ATXN1: variants seen among roughly 807,000 people sequenced by gnomAD.
ATXN1 encodes ataxin 1.
A neutral mutation model predicts 56.4 loss-of-function variants in ATXN1; 8 were observed. That is an observed-to-expected ratio of 0.14 (90% CI 0.08 to 0.26). The LOEUF is 0.26. ATXN1 is among the 10% of genes least tolerant of loss of function. The pLI is 1.00. For missense variants in ATXN1, 987 were observed against 1,106.5 expected (o/e 0.89, Z 1.53); for synonymous variants, 514 against 494.6 (o/e 1.04, Z -0.52).
intron 3 of ATXN1, among the ~76,000 whole-genome samples, chr6:16,635,458 T>A (rs1455736686): frequency 6.6e-6 from 1 of 152,142 alleles, no homozygotes; most frequent in African/African-American, 2.4e-5. Context: ...CCAAAAAGGT[T>A]AGGGACCACT....
At chr6:16,554,970 C>T (rs1000469706) in intron 4 of ATXN1, among the ~76,000 whole-genome samples, 2 of 152,182 alleles carry the variant, frequency 1.3e-5, no homozygotes, top group Admixed American at 1.3e-4. Flanking sequence ...CAATCCCACG[C>T]TGGCTCATCT....
intron 3 of ATXN1, among the ~76,000 whole-genome samples, chr6:16,612,473 A>T (rs1211996936): frequency 6.6e-6 from 1 of 152,254 alleles, no homozygotes; most frequent in East Asian, 1.9e-4. Flanking sequence ...ATGGAATCAC[A>T]GACTGAGACA....
chr6:16,635,161 T>C (rs879398174), intron 3 of ATXN1, among the ~76,000 whole-genome samples: 1 of 152,176 alleles, frequency 6.6e-6, no homozygotes, highest in Non-Finnish European at 1.5e-5. Context: ...GAACTGCACA[T>C]GTGAGGGATG....
At chr6:16,695,991 G>GAATA (rs1205319667) in intron 2 of ATXN1, among the ~76,000 whole-genome samples, 1 of 151,448 alleles carries the variant, frequency 6.6e-6, no homozygotes, top group Non-Finnish European at 1.5e-5. Flanking sequence ...ATAAATAAAT[G>GAATA]AATAAATAAA....
At chr6:16,673,958 A>G (rs1490783997) in intron 2 of ATXN1, among the ~76,000 whole-genome samples, 1 of 152,202 alleles carries the variant, frequency 6.6e-6, no homozygotes, top group Non-Finnish European at 1.5e-5. Flanking sequence ...TCCCCAGTTG[A>G]GATCCACTGG....
Position 16,712,849 on chromosome 6 carries a change from T to C in ATXN1, c.-615+40384A>G, listed in dbSNP as rs1440175140. ...CTGCCATTCGCCATTTATAGATTTA[T>C]ATGTACCTGCTAGGATAATGAGATT... On this transcript the variant is annotated intron_variant, in intron 2 of 7. Transcript: ENST00000436367. 2.6e-5 allele frequency among the ~76,000 whole-genome samples: 4 copies of C among 152,174 alleles called. No individual in the cohort carries two copies. In the East Asian group the frequency reaches 7.7e-4, roughly 29 times the overall value.
chr6:16,699,829 G>A (rs73725220), intron 2 of ATXN1, among the ~76,000 whole-genome samples: 7,129 of 152,156 alleles, frequency 0.047, 389 homozygotes, highest in African/African-American at 0.13. Context: ...TGATAATCGT[G>A]GGCCATTCTT....
intron 6 of ATXN1, among the ~76,000 whole-genome samples, chr6:16,362,501 A>G (rs909932022): frequency 1.3e-5 from 2 of 151,510 alleles, no homozygotes; most frequent in African/African-American, 4.9e-5. Context: ...CACCATCATC[A>G]CTTCGCTCCC....
intron 2 of ATXN1, among the ~76,000 whole-genome samples, chr6:16,677,895 G>A (rs1206468047): frequency 1.3e-5 from 2 of 152,072 alleles, no homozygotes; most frequent in African/African-American, 4.8e-5. Flanking sequence ...AATTGTTTAT[G>A]CAACTTAAAA....
At chr6:16,588,229 C>T (rs532155731) in intron 3 of ATXN1, among the ~76,000 whole-genome samples, 11 of 152,154 alleles carry the variant, frequency 7.2e-5, no homozygotes, top group African/African-American at 1.4e-4. Flanking sequence ...CCCCCTAACA[C>T]GTCTCCCCGC....
chr6:16,314,678 C>G (rs1399046686), intron 7 of ATXN1, among the ~76,000 whole-genome samples: 5 of 151,820 alleles, frequency 3.3e-5, no homozygotes, highest in Non-Finnish European at 7.4e-5. Context: ...TGTAGTGGCA[C>G]TATCTCGGCT....
chr6:16,530,079 A>G (rs1283264767), intron 4 of ATXN1, among the ~76,000 whole-genome samples: 1 of 152,218 alleles, frequency 6.6e-6, no homozygotes, highest in Non-Finnish European at 1.5e-5. Flanking sequence ...AATCTATACC[A>G]TGAAATTTGG....
intron 2 of ATXN1, among the ~76,000 whole-genome samples, chr6:16,719,127 G>C (rs17670444): frequency 6.6e-6 from 1 of 152,062 alleles, no homozygotes; most frequent in Non-Finnish European, 1.5e-5. Flanking sequence ...ACGCAATTAA[G>C]AGAAATCTGG....
intron 5 of ATXN1, among the ~76,000 whole-genome samples, chr6:16,518,476 A>G (rs2113692092): frequency 6.6e-6 from 1 of 152,304 alleles, no homozygotes; most frequent in East Asian, 1.9e-4. Context: ...GCCTGCGACC[A>G]GGCTAGACTG....
At chr6:16,417,160 T>C (rs766862739) in intron 6 of ATXN1, among the ~76,000 whole-genome samples, 10 of 152,310 alleles carry the variant, frequency 6.6e-5, no homozygotes, top group Non-Finnish European at 1.2e-4. Context: ...GCTTCCCCAG[T>C]ACCTGGGACT....
chr6:16,666,517 T>C (rs116128992), intron 2 of ATXN1: 1,934 of 154,880 alleles, frequency 0.012, 44 homozygotes, highest in African/African-American at 0.044. Context: ...CTTTTCTTTC[T>C]TTCTTTTTTT....
rs1761029608 is a variant in ATXN1 at position 16,760,110 on chromosome 6, G to T, written c.-730+1188C>A. Among the ~76,000 whole-genome samples the T allele has an allele frequency of 6.6e-6, 1 of 151,956 alleles. No homozygotes were observed. The highest frequency in any genetic ancestry group is 6.5e-5 in the Admixed American group (1 of 15,270). On this transcript the variant is annotated intron_variant, in intron 1 of 7. Coordinates refer to ENST00000436367, the MANE Select transcript of ATXN1 (RefSeq NM_001128164.2). The surrounding 1 kb of genome is among the most constrained non-coding windows in gnomAD (Gnocchi z 5.3). ...CCTGCCCCCTGCGGGACCGGCCTGC[G>T]CGCAGCACTGGAACCACGTAGGAGG...
chr6:16,582,691 G>A (rs1762551337), intron 4 of ATXN1, among the ~76,000 whole-genome samples: 1 of 152,124 alleles, frequency 6.6e-6, no homozygotes, highest in Admixed American at 6.5e-5. Context: ...AATTAATATG[G>A]TTAAGTATTT....
intron 6 of ATXN1, among the ~76,000 whole-genome samples, chr6:16,374,104 C>T (rs1762099294): frequency 6.7e-6 from 1 of 148,734 alleles, no homozygotes; most frequent in African/African-American, 2.5e-5. Context: ...CTGCTATATA[C>T]CTCGAATTAT....
Sources: allele counts gnomAD v4.1 joint callset (sites outside exome capture counted in the v4.1 genomes callset), GRCh38; gene constraint gnomAD v4.1.1; non-coding constraint Gnocchi (gnomAD v3.1); transcripts MANE v1.5; gene names NCBI Gene and HGNC (gene_info 2026-07-23, HGNC 2026-07-21).